EYS: variants seen among roughly 807,000 people sequenced by gnomAD.
EYS encodes protein eyes shut homolog.
In EYS, 250 loss-of-function variants were observed where a neutral mutation model predicts 282.1. That is an observed-to-expected ratio of 0.89 (90% CI 0.80 to 0.98). The LOEUF (loss-of-function observed/expected upper bound fraction) is 0.98, where lower values mean the gene tolerates loss of function less well. Ranked by LOEUF, EYS falls within the 50% of genes least tolerant of loss-of-function variation. The pLI is 0.00. For missense variants in EYS, 4,016 were observed against 3,709.0 expected, an observed-to-expected ratio of 1.08 and a Z score of -2.15; for synonymous variants, 1,355 against 1,282.9, an observed-to-expected ratio of 1.06 and a Z score of -1.20.
chr6:65,445,353 T>A (rs1768613961), intron 5 of EYS, among the ~76,000 whole-genome samples: 1 of 151,878 alleles, frequency 6.6e-6, no homozygotes, highest in African/African-American at 2.4e-5. Flanking sequence ...TAGGGAAGTA[T>A]AATAGTATTC....
intron 22 of EYS, among the ~76,000 whole-genome samples, chr6:64,672,784 A>G (rs376686517): frequency 6.6e-6 from 1 of 152,256 alleles, no homozygotes; most frequent in African/African-American, 2.4e-5. Context: ...ACAACCAGAA[A>G]AAAACAGTAA....
At chr6:64,691,666 A>G (rs1319305964) in intron 22 of EYS, among the ~76,000 whole-genome samples, 1 of 152,008 alleles carries the variant, frequency 6.6e-6, no homozygotes, top group East Asian at 1.9e-4. Context: ...TCCATCCTCT[A>G]GTAACCTACA....
At chr6:64,334,082 A>T (rs552543327) in intron 29 of EYS, among the ~76,000 whole-genome samples, 1 of 152,322 alleles carries the variant, frequency 6.6e-6, no homozygotes, top group South Asian at 2.1e-4. Context: ...CTAGGTCAAC[A>T]ATATTTTGAA....
At chr6:65,273,068 A>G (rs546454641) in intron 12 of EYS, among the ~76,000 whole-genome samples, 3 of 152,332 alleles carry the variant, frequency 2.0e-5, no homozygotes, top group Non-Finnish European at 4.4e-5. Flanking sequence ...AATATGTGAT[A>G]CACTGGATAA....
intron 36 of EYS, among the ~76,000 whole-genome samples, chr6:63,840,188 C>A (rs1771917028): frequency 6.8e-6 from 1 of 146,550 alleles, no homozygotes; most frequent in African/African-American, 2.6e-5. Flanking sequence ...GCTGGGACTA[C>A]AGTTGCCTGC....
At chr6:64,863,306 T>C (rs1766308777) in intron 19 of EYS, among the ~76,000 whole-genome samples, 1 of 152,192 alleles carries the variant, frequency 6.6e-6, no homozygotes, top group South Asian at 2.1e-4. Flanking sequence ...TGTTGAGACT[T>C]TTACCTATTT....
chr6:64,405,507 A>G (rs983500358), intron 28 of EYS, among the ~76,000 whole-genome samples: 2 of 152,146 alleles, frequency 1.3e-5, no homozygotes, highest in Non-Finnish European at 2.9e-5. Flanking sequence ...TAAATAAAGT[A>G]TATTCAATTA....
At chr6:65,178,108 G>A (rs1952995) in intron 12 of EYS, among the ~76,000 whole-genome samples, 29,021 of 151,738 alleles carry the variant, frequency 0.19, 3,046 homozygotes, top group Middle Eastern at 0.23. Flanking sequence ...GGCACCCCCC[G>A]AGTATCCTGC....
chr6:64,957,974 C>G (rs749940731), intron 14 of EYS, among the ~76,000 whole-genome samples: 1 of 151,926 alleles, frequency 6.6e-6, no homozygotes, highest in African/African-American at 2.4e-5. Flanking sequence ...AAACGTTCAA[C>G]TGTATTTTAG....
chr6:64,936,001 A>G (rs1295792590), intron 15 of EYS, among the ~76,000 whole-genome samples: 3 of 151,586 alleles, frequency 2.0e-5, no homozygotes, highest in Non-Finnish European at 4.4e-5. Flanking sequence ...AAAGAAAAAT[A>G]CAGATCAATA....
At chr6:65,173,696 T>C (rs994940453) in intron 12 of EYS, among the ~76,000 whole-genome samples, 6 of 151,186 alleles carry the variant, frequency 4.0e-5, no homozygotes, top group African/African-American at 1.2e-4. Flanking sequence ...GATTTAACAT[T>C]GGCAAATCAT....
chr6:65,202,187 C>A (rs964688593), intron 12 of EYS, among the ~76,000 whole-genome samples: 2 of 151,834 alleles, frequency 1.3e-5, no homozygotes, highest in Admixed American at 1.3e-4. Flanking sequence ...ATGTATCATG[C>A]TAATTTTATT....
chr6:64,473,449 T>G (rs1187623830), intron 26 of EYS, among the ~76,000 whole-genome samples: 1 of 152,198 alleles, frequency 6.6e-6, no homozygotes, highest in African/African-American at 2.4e-5. Context: ...CAGTACCAAC[T>G]GACACACTTA....
chr6:65,151,139 A>G (rs1448415748), intron 12 of EYS, among the ~76,000 whole-genome samples: 1 of 152,018 alleles, frequency 6.6e-6, no homozygotes, highest in African/African-American at 2.4e-5. Flanking sequence ...TGACCTATTT[A>G]CTCAATTTGA....
At chr6:64,284,442 C>T (rs1768423466) in intron 30 of EYS, among the ~76,000 whole-genome samples, 1 of 152,130 alleles carries the variant, frequency 6.6e-6, no homozygotes. Flanking sequence ...TACAGCCTCC[C>T]TCCCAGTTGC....
intron 11 of EYS, among the ~76,000 whole-genome samples, chr6:65,318,609 A>G (rs1217638406): frequency 6.8e-6 from 1 of 147,558 alleles, no homozygotes; most frequent in East Asian, 1.9e-4. Flanking sequence ...TATATGTAAT[A>G]TAATATATAT....
chr6:65,051,564 A>G lies in EYS; in HGVS notation c.2137+6050T>C, dbSNP rs1359946860. ...CATTTTGAGGTGGTGAGAACACAAA[A>G]TCTAATCTGTAAGTAATTTTTAAGT... On this transcript the variant is annotated intron_variant, in intron 13 of 42. Coordinates refer to ENST00000503581, the MANE Select transcript of EYS (RefSeq NM_001142800.2). 4.0e-5 allele frequency among the ~76,000 whole-genome samples: 6 copies of G among 151,706 alleles called. No individual in the cohort carries two copies. The East Asian group carries it at 1.2e-3, about 29-fold the overall frequency.
intron 34 of EYS, among the ~76,000 whole-genome samples, chr6:63,991,935 A>C (rs992855063): frequency 6.6e-6 from 1 of 151,778 alleles, no homozygotes; most frequent in African/African-American, 2.4e-5. Context: ...AAGGGGTGAT[A>C]TATTTAAAGT....
intron 35 of EYS, among the ~76,000 whole-genome samples, chr6:63,887,323 T>G (rs1048165021): frequency 1.0e-4 from 15 of 150,424 alleles, no homozygotes; most frequent in African/African-American, 3.2e-4. Context: ...TGTTTTTTTT[T>G]TTTTTTTTTG....
Sources: allele counts gnomAD v4.1 joint callset (sites outside exome capture counted in the v4.1 genomes callset), GRCh38; gene constraint gnomAD v4.1.1; transcripts MANE v1.5; gene names NCBI Gene and HGNC (gene_info 2026-07-23, HGNC 2026-07-21).